The following PRKCA variants were observed in gnomAD, a reference collection of about 807,000 sequenced individuals.
PRKCA encodes the protein protein kinase C alpha.
PRKCA carries 27 observed loss-of-function variants against 87.0 expected under a neutral mutation model. That is an observed-to-expected ratio of 0.31 (90% confidence interval 0.23 to 0.43). The LOEUF (loss-of-function observed/expected upper bound fraction) is 0.43. Among genes scored for constraint, PRKCA ranks in the 20% least tolerant of loss-of-function variants. The pLI, the probability that PRKCA is intolerant of heterozygous loss-of-function variation, is 1.00. For synonymous variants in PRKCA, 329 were observed against 311.1 expected (o/e 1.06, Z -0.61); for missense variants, 518 against 852.3 (o/e 0.61, Z 4.88).
intron 3 of PRKCA, among the ~76,000 whole-genome samples, chr17:66,530,942 C>G (rs1967514065): frequency 6.6e-6 from 1 of 152,178 alleles, no homozygotes; most frequent in Non-Finnish European, 1.5e-5. Context: ...ACCCTGGGGG[C>G]CTCCTGACAA....
chr17:66,461,957 G>GGAGGAGACTGGGGTTCCTAACTA, intron 2 of PRKCA, among the ~76,000 whole-genome samples: 2 of 152,238 alleles, frequency 1.3e-5, no homozygotes, highest in African/African-American at 2.4e-5. Context: ...TAACTACCGA[G>GGAGGAGACTGGGGTTCCTAACTA]CATGCTTCTA....
At chr17:66,361,698 G>A (rs943043230) in intron 2 of PRKCA, among the ~76,000 whole-genome samples, 1 of 152,156 alleles carries the variant, frequency 6.6e-6, no homozygotes, top group East Asian at 1.9e-4. Context: ...TTTCTTGAAG[G>A]TGGTCACTGT....
At chr17:66,441,344 C>CA (rs141623507) in intron 2 of PRKCA, among the ~76,000 whole-genome samples, 13,668 of 140,120 alleles carry the variant, frequency 0.098, 838 homozygotes, top group African/African-American at 0.17. Context: ...GCCCTGTTTC[C>CA]AAAAAAAAAA....
At chr17:66,353,314 A>G (rs1470700483) in intron 2 of PRKCA, among the ~76,000 whole-genome samples, 1 of 152,110 alleles carries the variant, frequency 6.6e-6, no homozygotes, top group Non-Finnish European at 1.5e-5. Flanking sequence ...GTAACCTTCT[A>G]TTTGGGCTGT....
At chr17:66,310,882 G>A (rs957455355) in intron 2 of PRKCA, among the ~76,000 whole-genome samples, 2 of 152,156 alleles carry the variant, frequency 1.3e-5, no homozygotes, top group Non-Finnish European at 2.9e-5. Flanking sequence ...ATAGGAGACT[G>A]AGGTACAAGT....
At chr17:66,661,360 C>G (rs1269806872) in intron 5 of PRKCA, among the ~76,000 whole-genome samples, 1 of 152,190 alleles carries the variant, frequency 6.6e-6, no homozygotes, top group Non-Finnish European at 1.5e-5. Flanking sequence ...GCAGACAAAA[C>G]TGTAGGTAAT....
At chr17:66,676,112 G>T (rs1000307028) in intron 5 of PRKCA, among the ~76,000 whole-genome samples, 1 of 152,132 alleles carries the variant, frequency 6.6e-6, no homozygotes, top group Non-Finnish European at 1.5e-5. Flanking sequence ...TTGTGGCGAC[G>T]TGAGGGAACT....
intron 3 of PRKCA, among the ~76,000 whole-genome samples, chr17:66,520,372 C>T (rs984029785): frequency 6.6e-6 from 1 of 152,070 alleles, no homozygotes; most frequent in African/African-American, 2.4e-5. Context: ...CCACCCGCCT[C>T]GGCCTCCCAA....
At chr17:66,568,855 G>T (rs1733125923) in intron 3 of PRKCA, among the ~76,000 whole-genome samples, 1 of 152,124 alleles carries the variant, frequency 6.6e-6, no homozygotes, top group African/African-American at 2.4e-5. Context: ...GCAGGGATAT[G>T]TAGGTAAATC....
chr17:66,766,499 C>T (rs1974814677), intron 13 of PRKCA, among the ~76,000 whole-genome samples: 1 of 152,260 alleles, frequency 6.6e-6, no homozygotes, highest in African/African-American at 2.4e-5. Context: ...CCTCACTGAT[C>T]CTTTACCTGA....
rs115216576 is a variant in PRKCA at position 66,675,096 on chromosome 17, T to G, written c.530-12015T>G. Among the ~76,000 whole-genome samples, 139 of 152,336 alleles carry G rather than the reference T, an allele frequency of 9.1e-4. 1 individual carries two copies. The highest frequency in any genetic ancestry group is 3.3e-3 in the African/African-American group (136 of 41,568). Reference sequence around the variant, plus strand: ...ACTGCCTTAGTCTGATCTATTAATATATCTTTTTAACTGGGTGGCTCATAA... The same window carrying G: ...ACTGCCTTAGTCTGATCTATTAATAGATCTTTTTAACTGGGTGGCTCATAA... On this transcript the variant is annotated intron_variant, in intron 5 of 16. Transcript: ENST00000413366.
chr17:66,728,690 G>A (rs115850000), intron 8 of PRKCA, among the ~76,000 whole-genome samples: 4,059 of 152,282 alleles, frequency 0.027, 57 homozygotes, highest in Non-Finnish European at 0.03. Flanking sequence ...CAGTTGAGGC[G>A]GTAGATGGCA....
At chr17:66,358,198 TG>T (rs1437721106) in intron 2 of PRKCA, among the ~76,000 whole-genome samples, 2 of 151,972 alleles carry the variant, frequency 1.3e-5, no homozygotes, top group African/African-American at 4.8e-5. Flanking sequence ...AGCGTTGGGA[TG>T]GGATTTGACG....
At chr17:66,801,700 A>C (rs1314227267) in intron 16 of PRKCA, among the ~76,000 whole-genome samples, 1 of 152,196 alleles carries the variant, frequency 6.6e-6, no homozygotes, top group African/African-American at 2.4e-5. Context: ...CACCATGGAA[A>C]CGTGGGGTGT....
chr17:66,580,945 G>T (rs773031319), intron 3 of PRKCA, among the ~76,000 whole-genome samples: 5 of 151,452 alleles, frequency 3.3e-5, no homozygotes, highest in Non-Finnish European at 7.4e-5. Flanking sequence ...CCCCATGCTC[G>T]ATTTATCCCA....
At chr17:66,307,445 T>A (rs978060575) in intron 2 of PRKCA, among the ~76,000 whole-genome samples, 5 of 152,170 alleles carry the variant, frequency 3.3e-5, no homozygotes, top group African/African-American at 1.2e-4. Context: ...GCCAATGTGA[T>A]TGACATCTGT....
intron 2 of PRKCA, among the ~76,000 whole-genome samples, chr17:66,435,257 C>T (rs973064662): frequency 6.6e-5 from 10 of 152,182 alleles, no homozygotes; most frequent in Non-Finnish European, 1.3e-4. Flanking sequence ...CTGATTCTCC[C>T]CCACTTAAGT....
intron 2 of PRKCA, among the ~76,000 whole-genome samples, chr17:66,484,213 C>A (rs926437223): frequency 2.0e-5 from 3 of 152,116 alleles, no homozygotes; most frequent in Non-Finnish European, 4.4e-5. Context: ...CAGTTGTCTC[C>A]CACTGGGCCC....
chr17:66,394,535 A>G (rs1910549611), intron 2 of PRKCA, among the ~76,000 whole-genome samples: 1 of 152,184 alleles, frequency 6.6e-6, no homozygotes, highest in Non-Finnish European at 1.5e-5. Flanking sequence ...TGAGTATTTG[A>G]CAGTGGATAG....
Sources: allele counts gnomAD v4.1 joint callset (sites outside exome capture counted in the v4.1 genomes callset), GRCh38; gene constraint gnomAD v4.1.1; transcripts MANE v1.5; gene names NCBI Gene and HGNC (gene_info 2026-07-23, HGNC 2026-07-21).